Variants in LRRK2 observed in about 807,000 individuals in gnomAD.
LRRK2 encodes the protein leucine-rich repeat serine/threonine-protein kinase 2.
A neutral mutation model predicts 302.6 loss-of-function variants in LRRK2; 203 were observed. The observed-to-expected ratio is 0.67, with a 90% CI of 0.60 to 0.75. The LOEUF (loss-of-function observed/expected upper bound fraction) is 0.75, where lower values mean the gene tolerates loss of function less well. Ranked by LOEUF, LRRK2 falls within the 30% of genes least tolerant of loss-of-function variation. The pLI is 0.00. For synonymous variants in LRRK2, 1,066 were observed against 1,031.9 expected, an observed-to-expected ratio of 1.03 and a Z score of -0.63; for missense variants, 2,830 against 2,951.0, an observed-to-expected ratio of 0.96 and a Z score of 0.95.
intron 11 of LRRK2, among the ~76,000 whole-genome samples, chr12:40,256,681 A>T (rs1342908721): frequency 6.6e-6 from 1 of 152,208 alleles, no homozygotes; most frequent in Non-Finnish European, 1.5e-5. Flanking sequence ...GTCCACTGGG[A>T]TAAATGGACA....
At chr12:40,282,068 CCCTTCCCTT>C (rs1943727182) in intron 18 of LRRK2, among the ~76,000 whole-genome samples, 1 of 33,112 alleles carries the variant, frequency 3.0e-5, no homozygotes, top group African/African-American at 1.2e-4. Flanking sequence ...CCCTTCCCTT[CCCTTCCCTT>C]CCCTTCCCTT....
Position 40,255,983 on chromosome 12 carries a change from G to A in LRRK2, c.1289-1265G>A, listed in dbSNP as rs183179777. 9.2e-5 allele frequency among the ~76,000 whole-genome samples: 14 copies of A among 152,240 alleles called. No homozygotes were observed. The East Asian group carries it at 2.5e-3, about 27-fold the overall frequency. On this transcript the variant is annotated intron_variant, in intron 11 of 50. Coordinates refer to ENST00000298910, the MANE Select transcript of LRRK2 (RefSeq NM_198578.4). ...TTAAGATAGACTACTTATTTTAAAA[G>A]CAGTACTTAAGTTAAAACTTTTTAT...
At chr12:40,273,434 T>C (rs576658470) in intron 14 of LRRK2, among the ~76,000 whole-genome samples, 2 of 152,192 alleles carry the variant, frequency 1.3e-5, no homozygotes, top group African/African-American at 4.8e-5. Flanking sequence ...GGTGAGAAAC[T>C]GATGCTTCTC....
intron 35 of LRRK2, 66 bp from the exon 36 acceptor site, chr12:40,321,969 T>C: frequency 1.1e-5 from 17 of 1,491,472 alleles, no homozygotes; most frequent in Non-Finnish European, 1.4e-5. Context: ...TCACTTGTGT[T>C]GTGTGCAGTA....
intron 48 of LRRK2, among the ~76,000 whole-genome samples, chr12:40,363,973 G>A (rs1206377992): frequency 2.0e-5 from 3 of 151,918 alleles, no homozygotes; most frequent in Admixed American, 2.0e-4. Context: ...GCAATGGACT[G>A]ACCGAGGCGC....
At position 40,334,948 on chromosome 12, in the gene LRRK2, T is replaced by C; in HGVS notation, c.5758-19T>C. ...AACCTGATGTTGAATTACTCTTACATGATTTTGGACTTTTGCAGGAGCTTG... is the reference window on the plus strand; with the variant it reads ...AACCTGATGTTGAATTACTCTTACACGATTTTGGACTTTTGCAGGAGCTTG... On this transcript the variant is annotated intron_variant, in intron 39 of 50. Transcript: ENST00000298910. 6.2e-7 allele frequency: 1 copy of C among 1,613,314 alleles called. No homozygotes were observed. Among genetic ancestry groups the C allele is most frequent in the Non-Finnish European group, 8.5e-7 (1 of 1,179,898 alleles).
chr12:40,291,160 T>A (rs1944133574), intron 20 of LRRK2, among the ~76,000 whole-genome samples: 1 of 151,880 alleles, frequency 6.6e-6, no homozygotes, highest in African/African-American at 2.4e-5. Context: ...ACCATCGTTC[T>A]CAGCAAACTA....
chr12:40,254,224 G>A lies in LRRK2; in HGVS notation c.1288+1208G>A, dbSNP rs1942402768. Among the ~76,000 whole-genome samples, 3 of 152,170 alleles carry A rather than the reference G, an allele frequency of 2.0e-5. No individual in the cohort carries two copies. The South Asian group carries it at 6.2e-4, about 31-fold the overall frequency. ...CACTGAAAGTCAGAGACAGAGACCA[G>A]TGTAAGCATCAGCTTTTAATAGAGA... On this transcript the variant is annotated intron_variant, in intron 11 of 50. Coordinates refer to ENST00000298910, the MANE Select transcript of LRRK2 (RefSeq NM_198578.4).
Position 40,310,551 on chromosome 12 carries a change from C to T in LRRK2, c.4438C>T (p.Pro1480Ser), listed in dbSNP as rs1490020455. Reference protein sequence around the residue: ...TKELLNKRGFPAIRDYHFVNA... With the variant: ...TKELLNKRGFSAIRDYHFVNA... ...GGAACTCCTGAATAAGCGAGGGTTC[C>T]CTGCCATACGAGATTACCACTTTGT... The change falls in exon 31 of 51, where the codon CCT becomes TCT. Residue 1480 changes from proline (P) to serine (S), a missense_variant. Pro to Ser is a moderately conservative substitution (Grantham distance 74, BLOSUM62 -1). Transcript: ENST00000298910. 6.2e-7 allele frequency: 1 copy of T among 1,610,468 alleles called. No individual in the cohort carries two copies. Among genetic ancestry groups the T allele is most frequent in the Non-Finnish European group, 8.5e-7 (1 of 1,179,052 alleles).
In LRRK2 at chr12:40,232,322, A is replaced by G. The variant is rs758347680; in HGVS notation, c.286A>G (p.Met96Val). Residue 96 changes from methionine to valine, a missense_variant, in exon 3 of 51, where the codon ATG (methionine) becomes GTG (valine). Transcript: ENST00000298910. Reference sequence around the variant, plus strand: ...ATTAATAGAAGTCTGTCCAGGTACAATGCAAAGCTTAATGGGACCCCAGGA... The same window carrying G: ...ATTAATAGAAGTCTGTCCAGGTACAGTGCAAAGCTTAATGGGACCCCAGGA... ...CKLIEVCPGT[M>V]QSLMGPQDVG... 4 of 1,614,158 alleles carry G rather than the reference A, an allele frequency of 2.5e-6. No homozygotes were observed. The South Asian group carries it at 3.3e-5, about 13-fold the overall frequency.
intron 38 of LRRK2, among the ~76,000 whole-genome samples, chr12:40,326,252 C>G (rs950998896): frequency 3.9e-5 from 6 of 152,018 alleles, no homozygotes; most frequent in Non-Finnish European, 5.9e-5. Context: ...ATCATGAGGT[C>G]AGGAGATCGA....
chr12:40,333,067 G>A (rs909666112), intron 39 of LRRK2, among the ~76,000 whole-genome samples: 9 of 151,752 alleles, frequency 5.9e-5, no homozygotes, highest in African/African-American at 1.5e-4. Context: ...GTACTATTAC[G>A]CTGTTTTTTC....
Position 40,276,102 on chromosome 12 carries a change from G to A in LRRK2, c.1941+1109G>A, listed in dbSNP as rs544859207. On this transcript the variant is annotated intron_variant, in intron 16 of 50. Transcript: ENST00000298910. ...GTGTTTTATAACTGCTTTTCATAAT[G>A]TGCCTCAGGCTAGGCTGATTAAACC... Among the ~76,000 whole-genome samples, 5 of 152,216 alleles carry A rather than the reference G, an allele frequency of 3.3e-5. No homozygotes were observed. In the East Asian group the frequency reaches 9.6e-4, roughly 29 times the overall value.
At chr12:40,346,499 T>C (rs1007212726) in intron 41 of LRRK2, among the ~76,000 whole-genome samples, 1 of 152,230 alleles carries the variant, frequency 6.6e-6, no homozygotes, top group Non-Finnish European at 1.5e-5. Flanking sequence ...GGTAATTTTA[T>C]TGAAGATTGA....
At position 40,320,013 on chromosome 12, in the gene LRRK2, G is replaced by A. The variant is rs773480108; in HGVS notation, c.4853G>A (p.Cys1618Tyr). 44 of 1,610,178 alleles carry A rather than the reference G, an allele frequency of 2.7e-5. 2 individuals are homozygous for A. The South Asian group carries it at 4.8e-4, about 17-fold the overall frequency. ...ATTTTGACAGTGAAAGTGGAAGGTT[G>A]TCCAAAACACCCTAAGGGCATTATT... ...AQILTVKVEG[C>Y]PKHPKGIISR... Residue 1618 changes from cysteine to tyrosine, a missense_variant, in exon 34 of 51, where the codon TGT becomes TAT. Coordinates refer to ENST00000298910, the MANE Select transcript of LRRK2 (RefSeq NM_198578.4).
chr12:40,351,620 A>G lies in LRRK2; in HGVS notation c.6463A>G (p.Met2155Val), dbSNP rs201614703. 13 of 1,614,108 alleles carry G rather than the reference A, an allele frequency of 8.1e-6. No individual in the cohort carries two copies. Among genetic ancestry groups the G allele is most frequent in the Non-Finnish European group, 1.1e-5 (13 of 1,180,044 alleles). ...LLPKNVIVEC[M>V]VATHHNSRNA... ...ACCTAAAAACGTAATTGTTGAATGC[A>G]TGGTTGCTACACATCACAACAGCAG... Residue 2155 changes from methionine to valine, a missense_variant, in exon 44 of 51, where the codon ATG (methionine) becomes GTG (valine). By Grantham distance (21) the Met-to-Val change is conservative. Around this residue, in one of 3 missense-constraint regions of LRRK2, gnomAD observed 456 missense variants for 456.3 expected, o/e 1.00. Coordinates refer to ENST00000298910, the MANE Select transcript of LRRK2 (RefSeq NM_198578.4).
chr12:40,273,836 C>T (rs1289656238), intron 14 of LRRK2, among the ~76,000 whole-genome samples: 5 of 152,052 alleles, frequency 3.3e-5, no homozygotes, highest in South Asian at 2.1e-4. Context: ...AGGTATGCTG[C>T]GTTTTCTTCT....
intron 46 of LRRK2, among the ~76,000 whole-genome samples, chr12:40,357,581 T>C (rs1398430598): frequency 6.6e-6 from 1 of 152,210 alleles, no homozygotes; most frequent in Non-Finnish European, 1.5e-5. Flanking sequence ...GCATTCGTTT[T>C]TTTCCGCATC....
intron 41 of LRRK2, among the ~76,000 whole-genome samples, chr12:40,344,442 A>G (rs1946134200): frequency 6.6e-6 from 1 of 152,218 alleles, no homozygotes; most frequent in Non-Finnish European, 1.5e-5. Context: ...TTAATGAACT[A>G]GTGACTGTGT....
Sources: gnomAD v4.1 joint callset for allele counts (sites outside exome capture counted in the v4.1 genomes callset) on GRCh38, gnomAD v4.1.1 for gene constraint, gnomAD v4.1.1 regional missense constraint, MANE v1.5 for transcripts, NCBI Gene and HGNC (gene_info 2026-07-23, HGNC 2026-07-21) for gene names.